Variants in AGMO observed in about 807,000 individuals in gnomAD.
The protein encoded by AGMO is glyceryl-ether monooxygenase.
In AGMO, 75 loss-of-function variants were observed where a neutral mutation model predicts 60.2. The ratio of observed to expected loss-of-function variants is 1.25; its 90% CI spans 1.03 to 1.51. The LOEUF (loss-of-function observed/expected upper bound fraction) is 1.51, where lower values mean the gene tolerates loss of function less well. Ranked by LOEUF, AGMO falls within the 40% of genes most tolerant of loss-of-function variation. The pLI, the probability that AGMO is intolerant of heterozygous loss-of-function variation, is 0.00. For synonymous variants in AGMO, 261 were observed against 177.1 expected, an observed-to-expected ratio of 1.47 and a Z score of -3.76; for missense variants, 763 against 525.5, an observed-to-expected ratio of 1.45 and a Z score of -4.42.
intron 12 of AGMO, among the ~76,000 whole-genome samples, chr7:15,272,038 T>C (rs1371094329): frequency 6.6e-6 from 1 of 152,204 alleles, no homozygotes; most frequent in Non-Finnish European, 1.5e-5. Context: ...CAGTTGATCA[T>C]GATGAATTAT....
At chr7:15,528,148 C>T (rs1784173423) in intron 3 of AGMO, among the ~76,000 whole-genome samples, 1 of 151,984 alleles carries the variant, frequency 6.6e-6, no homozygotes, top group Non-Finnish European at 1.5e-5. Flanking sequence ...AGTGATTCAT[C>T]TGATGGATGG....
chr7:15,529,617 T>C (rs1211831785), intron 3 of AGMO, among the ~76,000 whole-genome samples: 1 of 11,076 alleles, frequency 9.0e-5, no homozygotes, highest in South Asian at 3.0e-3. Context: ...AGTATATATA[T>C]AGAATATATA....
At chr7:15,441,675 C>A (rs752435463) in intron 3 of AGMO, among the ~76,000 whole-genome samples, 1 of 152,074 alleles carries the variant, frequency 6.6e-6, no homozygotes, top group Non-Finnish European at 1.5e-5. Flanking sequence ...CGTTTGCCTG[C>A]GGTAAGACAC....
rs531315288 is a variant in AGMO, at chr7:15,307,303, A to G, written c.1263+58211T>C. ...AGCCAAGCCCATCTATTTGGAAGAA[A>G]CCTTGAATCACCAATTTTATCACAT... is the stretch of plus-strand genomic sequence containing the variant. On this transcript the variant is annotated intron_variant, in intron 12 of 12. Transcript: ENST00000342526. 2.0e-5 allele frequency among the ~76,000 whole-genome samples: 3 copies of G among 152,138 alleles called. No homozygotes were observed. The East Asian group carries it at 5.8e-4, about 29-fold the overall frequency.
the AGMO span, among the ~76,000 whole-genome samples, chr7:15,175,749 T>C: frequency 1.3e-5 from 2 of 151,858 alleles, no homozygotes; most frequent in Non-Finnish European, 2.9e-5. Context: ...ATAACTTTAA[T>C]TTACTTTAAG....
intron 3 of AGMO, among the ~76,000 whole-genome samples, chr7:15,517,791 C>G (rs1044836628): frequency 6.6e-6 from 1 of 151,894 alleles, no homozygotes; most frequent in African/African-American, 2.4e-5. Flanking sequence ...TTTTTGTACC[C>G]CAGTGGTGCC....
At chr7:15,119,720 A>T in the AGMO span, among the ~76,000 whole-genome samples, 3 of 152,150 alleles carry the variant, frequency 2.0e-5, no homozygotes, top group East Asian at 5.8e-4. Flanking sequence ...CCATACAATT[A>T]TACTATATGC....
chr7:15,425,605 A>G (rs1014494560), intron 4 of AGMO, among the ~76,000 whole-genome samples: 3 of 151,690 alleles, frequency 2.0e-5, no homozygotes, highest in African/African-American at 7.3e-5. Context: ...CACCCGACTA[A>G]TTTATTTTAT....
intron 12 of AGMO, among the ~76,000 whole-genome samples, chr7:15,222,171 G>C (rs1781943286): frequency 6.6e-6 from 1 of 152,074 alleles, no homozygotes; most frequent in African/African-American, 2.4e-5. Context: ...TTGGGAAGAA[G>C]AGTTAATATT....
chr7:15,338,290 G>C (rs1288428894), intron 12 of AGMO, among the ~76,000 whole-genome samples: 1 of 152,084 alleles, frequency 6.6e-6, no homozygotes, highest in African/African-American at 2.4e-5. Flanking sequence ...ACCTGGAGAA[G>C]AAAAGGTGAA....
intron 3 of AGMO, among the ~76,000 whole-genome samples, chr7:15,452,356 T>C (rs1781877314): frequency 6.6e-6 from 1 of 152,152 alleles, no homozygotes; most frequent in Admixed American, 6.5e-5. Flanking sequence ...GTCTAGTATT[T>C]GGAATATATA....
At chr7:15,510,688 A>G (rs967232717) in intron 3 of AGMO, among the ~76,000 whole-genome samples, 1 of 150,436 alleles carries the variant, frequency 6.6e-6, no homozygotes, top group Admixed American at 6.6e-5. Flanking sequence ...AAGCCACAGA[A>G]AGAAAAATAC....
At chr7:15,332,537 C>A (rs1290421771) in intron 12 of AGMO, among the ~76,000 whole-genome samples, 1 of 152,156 alleles carries the variant, frequency 6.6e-6, no homozygotes, top group Non-Finnish European at 1.5e-5. Context: ...ACTTGCCCAA[C>A]ATGGCTACAG....
chr7:15,151,906 T>C, the AGMO span, among the ~76,000 whole-genome samples: 1 of 152,190 alleles, frequency 6.6e-6, no homozygotes, highest in Non-Finnish European at 1.5e-5. Flanking sequence ...AGTGGTCTTT[T>C]AGGTCTGTGA....
chr7:15,330,128 T>G (rs1406543343), intron 12 of AGMO, among the ~76,000 whole-genome samples: 2 of 152,234 alleles, frequency 1.3e-5, no homozygotes, highest in African/African-American at 2.4e-5. Flanking sequence ...TTGAGATTAC[T>G]GTTTTAAGGA....
intron 2 of AGMO, among the ~76,000 whole-genome samples, chr7:15,555,709 C>T (rs968103134): frequency 1.3e-5 from 2 of 151,902 alleles, no homozygotes; most frequent in East Asian, 1.9e-4. Context: ...AAATGTATTA[C>T]TCAATTGAAT....
intron 12 of AGMO, among the ~76,000 whole-genome samples, chr7:15,215,880 A>G (rs961032394): frequency 1.3e-5 from 2 of 152,096 alleles, no homozygotes; most frequent in Non-Finnish European, 2.9e-5. Context: ...TTTAAGGTGC[A>G]TGCGAATGTA....
chr7:15,302,318 C>A (rs972882894), intron 12 of AGMO, among the ~76,000 whole-genome samples: 5 of 152,066 alleles, frequency 3.3e-5, no homozygotes, highest in Admixed American at 1.3e-4. Flanking sequence ...TTACAGAATT[C>A]TTCTTCTAAC....
the AGMO span, among the ~76,000 whole-genome samples, chr7:15,194,076 C>T: frequency 6.6e-6 from 1 of 152,082 alleles, no homozygotes; most frequent in African/African-American, 2.4e-5. Context: ...ACTTATCCAC[C>T]AAAATTTCTG....
Sources: allele counts gnomAD v4.1 joint callset (sites outside exome capture counted in the v4.1 genomes callset), GRCh38; gene constraint gnomAD v4.1.1; transcripts MANE v1.5; gene names NCBI Gene and HGNC (gene_info 2026-07-23, HGNC 2026-07-21).